Variants in ANO3 observed in about 807,000 individuals in gnomAD.
The protein encoded by ANO3 is anoctamin 3.
A neutral mutation model predicts 144.8 loss-of-function variants in ANO3; 99 were observed. That is an observed-to-expected ratio of 0.68 (90% CI 0.58 to 0.81). The LOEUF is 0.81. Among genes scored for constraint, ANO3 ranks in the 30% least tolerant of loss-of-function variants. The pLI is 0.00. For synonymous variants in ANO3, 414 were observed against 392.6 expected (o/e 1.05, Z -0.64); for missense variants, 905 against 1,202.2 (o/e 0.75, Z 3.66).
intron 1 of ANO3, among the ~76,000 whole-genome samples, chr11:26,196,370 T>C (rs938394174): frequency 9.2e-5 from 14 of 152,196 alleles, no homozygotes; most frequent in African/African-American, 3.4e-4. Context: ...CCACAGTAGA[T>C]AAGCACAACT....
At chr11:26,406,789 T>G (rs529462101) in intron 1 of ANO3, among the ~76,000 whole-genome samples, 2 of 149,480 alleles carry the variant, frequency 1.3e-5, no homozygotes, top group Admixed American at 1.4e-4. Flanking sequence ...CTTGTTCTGA[T>G]TCACACAAAA....
chr11:26,227,512 A>G lies in ANO3; in HGVS notation c.154+38182A>G, dbSNP rs143381224. ...ATCAAGGTATTAGTAAATGCTGTGAAACCAAATCCATATTTAGAAAACAAA... is the reference window on the plus strand; with the variant it reads ...ATCAAGGTATTAGTAAATGCTGTGAGACCAAATCCATATTTAGAAAACAAA... On this transcript the variant is annotated intron_variant, in intron 1 of 27. Transcript: ENST00000672621. 2.2e-3 allele frequency among the ~76,000 whole-genome samples: 335 copies of G among 152,354 alleles called. 2 individuals carry two copies. The highest frequency in any genetic ancestry group is 6.8e-3 in the Middle Eastern group (2 of 294).
chr11:26,377,232 C>G (rs112636143), intron 1 of ANO3, among the ~76,000 whole-genome samples: 14 of 152,194 alleles, frequency 9.2e-5, no homozygotes, highest in African/African-American at 3.4e-4. Flanking sequence ...ATGGAATGAA[C>G]TACAATGAAC....
At chr11:26,617,524 C>T (rs1403483031) in intron 17 of ANO3, among the ~76,000 whole-genome samples, 9 of 152,152 alleles carry the variant, frequency 5.9e-5, no homozygotes, top group African/African-American at 2.2e-4. Context: ...TACTAGAACC[C>T]ATGTATCTTC....
chr11:26,372,415 A>G (rs1037657442), intron 1 of ANO3, among the ~76,000 whole-genome samples: 1 of 152,186 alleles, frequency 6.6e-6, no homozygotes, highest in Admixed American at 6.5e-5. Flanking sequence ...CTAATACAAT[A>G]ACCTTTCTGT....
intron 1 of ANO3, among the ~76,000 whole-genome samples, chr11:26,317,504 A>G (rs1338039144): frequency 6.6e-6 from 1 of 152,210 alleles, no homozygotes; most frequent in Admixed American, 6.5e-5. Context: ...ACAAACATGA[A>G]AAAAGCTCAT....
At chr11:26,474,333 A>G (rs1859883923) in intron 4 of ANO3, among the ~76,000 whole-genome samples, 1 of 151,896 alleles carries the variant, frequency 6.6e-6, no homozygotes, top group Non-Finnish European at 1.5e-5. Flanking sequence ...TTTATCTTGC[A>G]TGTAAACCAA....
chr11:26,298,105 T>C (rs1203522223), intron 1 of ANO3, among the ~76,000 whole-genome samples: 16 of 152,170 alleles, frequency 1.1e-4, no homozygotes, highest in Admixed American at 9.8e-4. Flanking sequence ...AGAAATAGAA[T>C]ACTAGAGACT....
At chr11:26,254,427 A>G (rs1029447935) in intron 1 of ANO3, among the ~76,000 whole-genome samples, 1 of 152,164 alleles carries the variant, frequency 6.6e-6, no homozygotes, top group Admixed American at 6.6e-5. Context: ...TATTATCACA[A>G]ATAAAATTAC....
intron 17 of ANO3, among the ~76,000 whole-genome samples, chr11:26,610,906 T>C (rs1340446968): frequency 6.6e-6 from 1 of 152,156 alleles, no homozygotes; most frequent in African/African-American, 2.4e-5. Context: ...TTCATCTATG[T>C]TCGCAAACTT....
At chr11:26,539,223 A>G (rs1487522597) in intron 10 of ANO3, among the ~76,000 whole-genome samples, 1 of 151,912 alleles carries the variant, frequency 6.6e-6, no homozygotes, top group African/African-American at 2.4e-5. Context: ...TCAATTATGA[A>G]TAGTGGAAAG....
At chr11:26,609,349 T>TA (rs1852026056) in intron 17 of ANO3, among the ~76,000 whole-genome samples, 1 of 149,712 alleles carries the variant, frequency 6.7e-6, no homozygotes, top group African/African-American at 2.4e-5. Flanking sequence ...ACATGCAGGA[T>TA]TCACATGCTA....
intron 16 of ANO3, 48 bp downstream of exon 16, chr11:26,599,046 G>A: frequency 6.3e-7 from 1 of 1,589,906 alleles, no homozygotes; most frequent in Non-Finnish European, 8.6e-7. Context: ...TCTAAATTTA[G>A]AAGTAAGTTC....
upstream of ANO3, among the ~76,000 whole-genome samples, chr11:26,305,564 AAGT>A (rs1854361615): frequency 1.3e-5 from 2 of 152,156 alleles, no homozygotes; most frequent in Non-Finnish European, 1.5e-5. Flanking sequence ...GATATTCAAC[AAGT>A]AGTCTGCAGA....
intron 1 of ANO3, among the ~76,000 whole-genome samples, chr11:26,237,405 AATTT>A (rs1297558746): frequency 2.6e-5 from 4 of 151,950 alleles, no homozygotes; most frequent in African/African-American, 7.2e-5. Flanking sequence ...ATACCATAAA[AATTT>A]ATTTATTATA....
At chr11:26,559,572 T>C in intron 13 of ANO3, 147 bp from the exon 14 acceptor site, 1 of 611,670 alleles carries the variant, frequency 1.6e-6, no homozygotes, top group South Asian at 2.1e-5. Context: ...GCAAGACCCA[T>C]GAAAGGAATT....
At chr11:26,540,203 A>G (rs1849609719) in intron 10 of ANO3, among the ~76,000 whole-genome samples, 1 of 152,158 alleles carries the variant, frequency 6.6e-6, no homozygotes, top group Non-Finnish European at 1.5e-5. Context: ...CTTATCTGAA[A>G]TAAATTTTAA....
chr11:26,290,178 A>G (rs1389183621), intron 1 of ANO3, among the ~76,000 whole-genome samples: 1 of 151,744 alleles, frequency 6.6e-6, no homozygotes, highest in Non-Finnish European at 1.5e-5. Context: ...TTTCTTCTAG[A>G]TTTTCTAGTT....
At chr11:26,352,626 A>T (rs1347768943) in intron 1 of ANO3, among the ~76,000 whole-genome samples, 1 of 152,212 alleles carries the variant, frequency 6.6e-6, no homozygotes, top group Non-Finnish European at 1.5e-5. Context: ...AATATTTATC[A>T]AAATGAATGT....
Sources: allele counts gnomAD v4.1 joint callset (sites outside exome capture counted in the v4.1 genomes callset), GRCh38; gene constraint gnomAD v4.1.1; transcripts MANE v1.5; gene names NCBI Gene and HGNC (gene_info 2026-07-23, HGNC 2026-07-21).